Variants in JAM3 observed in about 807,000 individuals in gnomAD.
JAM3 encodes the protein junctional adhesion molecule 3.
Under a neutral mutation model 39.4 loss-of-function variants are expected in JAM3, and 31 were observed. That is an observed-to-expected ratio of 0.79 (90% CI 0.59 to 1.06). The LOEUF (loss-of-function observed/expected upper bound fraction) is 1.06. JAM3 is among the 50% of genes least tolerant of loss of function. The pLI, the probability that JAM3 is intolerant of heterozygous loss-of-function variation, is 0.00. For synonymous variants in JAM3, 182 were observed against 148.7 expected (o/e 1.22, Z -1.63); for missense variants, 455 against 391.4 (o/e 1.16, Z -1.37).
intron 8 of JAM3, 81 bp downstream of exon 8, chr11:134,148,899 C>G: frequency 7.0e-7 from 1 of 1,436,474 alleles, no homozygotes; most frequent in Non-Finnish European, 9.7e-7. Context: ...CACGGGTCTC[C>G]TGGGAAGATT....
chr11:134,100,595 A>C (rs1043655021), intron 1 of JAM3, among the ~76,000 whole-genome samples: 1 of 152,196 alleles, frequency 6.6e-6, no homozygotes, highest in African/African-American at 2.4e-5. Context: ...GGGTCTGTAC[A>C]CCACTGAAAT....
intron 1 of JAM3, among the ~76,000 whole-genome samples, chr11:134,101,650 C>T (rs1341030196): frequency 1.3e-5 from 2 of 152,198 alleles, no homozygotes; most frequent in Non-Finnish European, 2.9e-5. Flanking sequence ...GTATAATACT[C>T]TACTACCACA....
At chr11:134,100,346 C>CA (rs1942052304) in intron 1 of JAM3, among the ~76,000 whole-genome samples, 1 of 152,156 alleles carries the variant, frequency 6.6e-6, no homozygotes, top group Non-Finnish European at 1.5e-5. Context: ...CAGAGCCTTT[C>CA]TTGCTGAGGA....
intron 1 of JAM3, among the ~76,000 whole-genome samples, chr11:134,088,400 T>A (rs1323470434): frequency 6.6e-6 from 1 of 152,158 alleles, no homozygotes; most frequent in African/African-American, 2.4e-5. Flanking sequence ...AACATTTTTT[T>A]TTTTATTTTT....
intron 1 of JAM3, among the ~76,000 whole-genome samples, chr11:134,109,867 A>T (rs573334975): frequency 1.3e-5 from 2 of 152,246 alleles, no homozygotes; most frequent in African/African-American, 4.8e-5. Flanking sequence ...CCTTTTCTCT[A>T]TAGCTGTCTG....
intron 1 of JAM3, among the ~76,000 whole-genome samples, chr11:134,129,126 T>C (rs1015299521): frequency 6.7e-6 from 1 of 150,334 alleles, no homozygotes; most frequent in Non-Finnish European, 1.5e-5. Context: ...CAAGTTCTTT[T>C]TTTTTTTTTT....
At chr11:134,088,040 C>A (rs1208454134) in intron 1 of JAM3, among the ~76,000 whole-genome samples, 1 of 152,234 alleles carries the variant, frequency 6.6e-6, no homozygotes, top group Non-Finnish European at 1.5e-5. Context: ...TTGGGAACCA[C>A]TGCTGTAAGA....
At chr11:134,117,408 G>A (rs575061271) in intron 1 of JAM3, among the ~76,000 whole-genome samples, 1 of 152,122 alleles carries the variant, frequency 6.6e-6, no homozygotes, top group South Asian at 2.1e-4. Flanking sequence ...CAAATTGGCG[G>A]GGAAGAAGTA....
intron 1 of JAM3, among the ~76,000 whole-genome samples, chr11:134,112,180 G>A (rs570996000): frequency 5.9e-5 from 9 of 152,152 alleles, no homozygotes; most frequent in East Asian, 3.9e-4. Context: ...TCTGCCTCCC[G>A]GGTTCAAGGA....
intron 6 of JAM3, 158 bp from the exon 7 acceptor site, chr11:134,148,389 A>T: frequency 1.3e-6 from 1 of 797,922 alleles, no homozygotes. Flanking sequence ...GTTCTAGGCT[A>T]GAAGGATTGT....
intron 1 of JAM3, among the ~76,000 whole-genome samples, chr11:134,136,924 T>C (rs1158466595): frequency 6.6e-6 from 1 of 152,012 alleles, no homozygotes; most frequent in Non-Finnish European, 1.5e-5. Flanking sequence ...CCATCCTGGC[T>C]AACACGGTGA....
At chr11:134,076,524 T>C (rs960080609) in intron 1 of JAM3, among the ~76,000 whole-genome samples, 2 of 152,206 alleles carry the variant, frequency 1.3e-5, no homozygotes, top group African/African-American at 4.8e-5. Flanking sequence ...ATTTCAAATA[T>C]CTGAAGTTCT....
intron 1 of JAM3, among the ~76,000 whole-genome samples, chr11:134,090,179 G>A (rs1941820344): frequency 3.3e-5 from 5 of 152,158 alleles, no homozygotes; most frequent in African/African-American, 1.2e-4. Flanking sequence ...TTTTTTGTTG[G>A]AGTTCATTGT....
At chr11:134,112,491 T>C (rs142888420) in intron 1 of JAM3, among the ~76,000 whole-genome samples, 1 of 152,368 alleles carries the variant, frequency 6.6e-6, no homozygotes, top group Non-Finnish European at 1.5e-5. Context: ...GTGTTCATTA[T>C]ATAAATTATA....
intron 1 of JAM3, among the ~76,000 whole-genome samples, chr11:134,134,386 C>T (rs1363733046): frequency 3.2e-5 from 1 of 31,316 alleles, no homozygotes; most frequent in Non-Finnish European, 5.9e-5. Flanking sequence ...AAACACCAAA[C>T]AGGATAAATG....
At chr11:134,145,825 G>T in intron 5 of JAM3, 121 bp from the exon 6 acceptor site, 1 of 757,516 alleles carries the variant, frequency 1.3e-6, no homozygotes, top group South Asian at 1.4e-5. Flanking sequence ...AACATGCACA[G>T]TGCTGGGGAA....
In JAM3 at chr11:134,151,844, T is replaced by TATCAATC. The variant is rs10665918; in HGVS notation, c.*2665_*2671dup. ...GGTTAGGCATGCACACTAAAAATGC[T>TATCAATC]ATCAATCACCCATCCACCAGGGAAG... On this transcript the variant is annotated 3_prime_UTR_variant, in exon 9 of 9. Transcript: ENST00000299106. 1 of 151,798 alleles carries TATCAATC rather than the reference T, an allele frequency of 6.6e-6. No individual in the cohort carries two copies. The highest frequency in any genetic ancestry group is 1.5e-5 in the Non-Finnish European group (1 of 67,932). 9.4% of individuals were successfully genotyped at this position (151,798 alleles called of 1,614,324 possible).
chr11:134,117,448 G>A (rs542528026), intron 1 of JAM3, among the ~76,000 whole-genome samples: 1 of 152,142 alleles, frequency 6.6e-6, no homozygotes, highest in East Asian at 2.0e-4. Context: ...CCTTATTAGA[G>A]AGAAATATTT....
chr11:134,100,021 G>C, intron 1 of JAM3, among the ~76,000 whole-genome samples: 1 of 152,142 alleles, frequency 6.6e-6, no homozygotes, highest in East Asian at 1.9e-4. Flanking sequence ...AGTCACTTCT[G>C]ACTTTAATGT....
Sources: gnomAD v4.1 joint callset for allele counts (sites outside exome capture counted in the v4.1 genomes callset) on GRCh38, gnomAD v4.1.1 for gene constraint, MANE v1.5 for transcripts, NCBI Gene and HGNC (gene_info 2026-07-23, HGNC 2026-07-21) for gene names.